The following XPO5 variants were observed in gnomAD, a reference collection of about 807,000 sequenced individuals.
XPO5 encodes exportin-5.
In XPO5, 46 loss-of-function variants were observed where a neutral mutation model predicts 160.6. The ratio of observed to expected loss-of-function variants is 0.29; its 90% CI spans 0.23 to 0.37. XPO5 has a LOEUF of 0.37. XPO5 is among the 10% of genes least tolerant of loss of function. The probability of loss-of-function intolerance (pLI) is 1.00; values close to 1 mark genes in which losing one functional copy is unlikely to be tolerated. For missense variants in XPO5, 1,090 were observed against 1,463.9 expected (o/e 0.74, Z 4.17); for synonymous variants, 537 against 519.3 (o/e 1.03, Z -0.46).
At chr6:43,527,373 G>A (rs938561666) in intron 26 of XPO5, 9 of 296,896 alleles carry the variant, frequency 3.0e-5, no homozygotes, top group Middle Eastern at 1.1e-3. Flanking sequence ...CCGGGTTCAA[G>A]CGATTCTCCT....
Position 43,573,573 on chromosome 6 carries a change from G to C in XPO5, c.134C>G (p.Pro45Arg), listed in dbSNP as rs1303923005. Residue 45 changes from proline (P) to arginine (R), a missense_variant, in exon 2 of 32, where the codon CCT becomes CGT. By Grantham distance (103) the Pro-to-Arg change is moderately radical. Around this residue, in one of 3 missense-constraint regions of XPO5, gnomAD observed 170 missense variants for 227.0 expected, o/e 0.75. Transcript: ENST00000265351. ...CCTCAAGCCACAGGGGACACAGATA[G>C]GACACTTTTCTTTAAACTCCTCACA... ...KFCEEFKEKC[P>R]ICVPCGLRLA... 1.9e-6 allele frequency: 3 copies of C among 1,613,344 alleles called. No individual in the cohort carries two copies. Among genetic ancestry groups the C allele is most frequent in the East Asian group, 2.2e-5 (1 of 44,876 alleles).
chr6:43,568,352 G>A (rs190340996), intron 6 of XPO5, among the ~76,000 whole-genome samples: 2 of 152,060 alleles, frequency 1.3e-5, no homozygotes, highest in Admixed American at 1.3e-4. Context: ...GACAGATGCA[G>A]TGGCCCACAG....
intron 3 of XPO5, 83 bp downstream of exon 3, chr6:43,572,422 AT>A: frequency 7.2e-7 from 1 of 1,379,888 alleles, no homozygotes; most frequent in Non-Finnish European, 1.0e-6. Context: ...GAAGCAGTGA[AT>A]TTTTACACAA....
chr6:43,527,481 C>G (rs1011976864), intron 26 of XPO5, 153 bp downstream of exon 26: 2 of 687,306 alleles, frequency 2.9e-6, no homozygotes, highest in Non-Finnish European at 4.9e-6. Flanking sequence ...ACCATGTTGG[C>G]CAGGATGGTC....
chr6:43,559,912 C>G (rs973649934), intron 11 of XPO5, among the ~76,000 whole-genome samples: 1 of 152,148 alleles, frequency 6.6e-6, no homozygotes, highest in African/African-American at 2.4e-5. Context: ...ACTTCCCAAG[C>G]TCAGGTGATC....
Position 43,522,502 on chromosome 6 carries a change from A to G in XPO5, c.*1366T>C, listed in dbSNP as rs1793250589. 4.8e-6 allele frequency: 1 copy of G among 209,088 alleles called. No homozygotes were observed. Among genetic ancestry groups the G allele is most frequent in the Admixed American group, 5.7e-5 (1 of 17,588 alleles). 13.0% of individuals were successfully genotyped at this position (209,088 alleles called of 1,614,324 possible). Reference sequence around the variant, plus strand: ...ACATCCTCCACAGCCCCAACCAGACAGGAATAGGCAGCTATCAGGTTTGGA... The same window carrying G: ...ACATCCTCCACAGCCCCAACCAGACGGGAATAGGCAGCTATCAGGTTTGGA... On this transcript the variant is annotated 3_prime_UTR_variant, in exon 32 of 32. Coordinates refer to ENST00000265351, the MANE Select transcript of XPO5 (RefSeq NM_020750.3).
rs1393869136 is a variant in XPO5 at position 43,526,076 on chromosome 6, C to T, written c.2984-155G>A. On this transcript the variant is annotated intron_variant, in intron 27 of 31. Transcript: ENST00000265351. ...GAGCCCTCCCACCTCCACATAATGC[C>T]CATGCCCATGGCTGATCTTCTAGAG... is the stretch of plus-strand genomic sequence containing the variant. 5.8e-6 allele frequency: 4 copies of T among 691,248 alleles called. No homozygotes were observed. The African/African-American group carries it at 7.2e-5, about 12-fold the overall frequency. 42.8% of individuals were successfully genotyped at this position (691,248 alleles called of 1,614,324 possible). A position where few individuals can be genotyped will look rare whatever the true frequency, so the allele number is the denominator to read the frequency against.
Position 43,531,460 on chromosome 6 carries a change from G to A in XPO5, c.2540+19C>T. ...CATATCGAGGAAGAAAATATGGAGAGGCAGCATTGGTTCCTTACCAGTTTT... is the reference window on the plus strand; with the variant it reads ...CATATCGAGGAAGAAAATATGGAGAAGCAGCATTGGTTCCTTACCAGTTTT... On this transcript the variant is annotated intron_variant, in intron 22 of 31. Transcript: ENST00000265351. 1 of 1,599,484 alleles carries A rather than the reference G, an allele frequency of 6.3e-7. No individual in the cohort carries two copies. The highest frequency in any genetic ancestry group is 1.7e-4 in the Middle Eastern group (1 of 6,038).
rs769324397 is a variant in XPO5 at position 43,553,424 on chromosome 6, A to T, written c.1521T>A (p.Thr507=). 18 of 1,604,010 alleles carry T rather than the reference A, an allele frequency of 1.1e-5. No individual in the cohort carries two copies. The African/African-American group carries it at 1.6e-4, about 14-fold the overall frequency. ...GGGTGATAACACTTTCCAAAAAAAGAGTCATGGCTTCCCACTGCACGAATG... is the reference window on the plus strand; with the variant it reads ...GGGTGATAACACTTTCCAAAAAAAGTGTCATGGCTTCCCACTGCACGAATG... ...SPSFVQWEAM[T]LFLESVITQM... is the part of the protein sequence containing the mutation. Residue 507 remains threonine (T), a synonymous_variant, in exon 14 of 32, where the codon ACT becomes ACA. Coordinates refer to ENST00000265351, the MANE Select transcript of XPO5 (RefSeq NM_020750.3).
chr6:43,538,749 A>C (rs1794504952), intron 20 of XPO5: 2 of 543,734 alleles, frequency 3.7e-6, no homozygotes, highest in East Asian at 6.3e-5. Context: ...TCATAAAATG[A>C]GTTATGGAGC....
In XPO5 at chr6:43,543,599, A is replaced by T. The variant is rs150010787; in HGVS notation, c.2342+2972T>A. On this transcript the variant is annotated intron_variant, in intron 20 of 31. Transcript: ENST00000265351. ...TTACATGAATGTGTCCACTTTGTGA[A>T]AATTCATCTACACACACTCACAAGT... is the stretch of plus-strand genomic sequence containing the variant. Among the ~76,000 whole-genome samples the T allele has an allele frequency of 6.3e-3, 958 of 152,126 alleles. 13 individuals are homozygous for T. The highest frequency in any genetic ancestry group is 0.014 in the Middle Eastern group (4 of 292).
At chr6:43,571,672 G>T (rs183836423) in intron 3 of XPO5, among the ~76,000 whole-genome samples, 5 of 152,208 alleles carry the variant, frequency 3.3e-5, no homozygotes, top group Admixed American at 3.3e-4. Context: ...GCTGGGCATG[G>T]TACCACATGC....
chr6:43,532,838 T>C (rs572099897), intron 21 of XPO5, among the ~76,000 whole-genome samples: 1 of 152,338 alleles, frequency 6.6e-6, no homozygotes, highest in African/African-American at 2.4e-5. Flanking sequence ...ATTAAAGCAG[T>C]ATCCTAACAA....
At chr6:43,575,354 G>T (rs1282752830) in intron 1 of XPO5, among the ~76,000 whole-genome samples, 3 of 152,188 alleles carry the variant, frequency 2.0e-5, no homozygotes, top group Non-Finnish European at 4.4e-5. Context: ...TTTAGTGCAG[G>T]AGAGACCATA....
At position 43,524,882 on chromosome 6, in the gene XPO5, G is replaced by A. The variant is rs371277075; in HGVS notation, c.3261C>T (p.Asp1087=). The part of the protein sequence containing the change: ...LKGLQMHGQH[D]GCMASLVHLA... ...GATGGACCAGGGAAGCCATGCACCC[G>A]TCGTGCTGCCCGTGCATCTGTAAGC... The change falls in exon 30 of 32, where the codon GAC becomes GAT. Residue 1087 remains aspartate (D), a synonymous_variant. Coordinates refer to ENST00000265351, the MANE Select transcript of XPO5 (RefSeq NM_020750.3). 1.5e-4 allele frequency: 245 copies of A among 1,613,970 alleles called. 2 individuals carry two copies. Among genetic ancestry groups the A allele is most frequent in the Middle Eastern group, 3.3e-4 (2 of 6,032 alleles).
At chr6:43,558,906 T>C (rs1762255516) in intron 11 of XPO5, 2 of 239,814 alleles carry the variant, frequency 8.3e-6, no homozygotes, top group Middle Eastern at 1.5e-3. Flanking sequence ...AAGAAAGAAC[T>C]GAGAGCTACT....
At chr6:43,546,478 C>A in intron 20 of XPO5, 93 bp downstream of exon 20, 2 of 1,255,744 alleles carry the variant, frequency 1.6e-6, no homozygotes, top group South Asian at 1.9e-5. Flanking sequence ...TCATTAATAC[C>A]ACTAAGATAT....
chr6:43,522,751 G>GA lies in XPO5; in HGVS notation c.*1116_*1117insT, dbSNP rs745548674. The GA allele has an allele frequency of 4.1e-6, 2 of 492,964 alleles. No homozygotes were observed. Among genetic ancestry groups the GA allele is most frequent in the South Asian group, 3.0e-5 (2 of 66,494 alleles). The allele number at this position is 492,964 out of a possible 1,614,324, so 30.5% of individuals were successfully genotyped here. On this transcript the variant is annotated 3_prime_UTR_variant, in exon 32 of 32. Transcript: ENST00000265351. Reference sequence around the variant, plus strand: ...CTGGATGGACAACAGGTCTGTTTTTGTGCAGAGCACATGGACACACTGGTT... The same window carrying GA: ...CTGGATGGACAACAGGTCTGTTTTTGATGCAGAGCACATGGACACACTGGTT...
chr6:43,540,920 T>TA (rs112382275), intron 20 of XPO5, among the ~76,000 whole-genome samples: 7,845 of 143,918 alleles, frequency 0.055, 410 homozygotes, highest in African/African-American at 0.14. Flanking sequence ...TATTCAGCCA[T>TA]AAAAAAAAAA....
Sources: allele counts gnomAD v4.1 joint callset (sites outside exome capture counted in the v4.1 genomes callset), GRCh38; gene constraint gnomAD v4.1.1; regional missense constraint gnomAD v4.1.1; transcripts MANE v1.5; gene names NCBI Gene and HGNC (gene_info 2026-07-23, HGNC 2026-07-21).